Variants in NTRK3 observed in about 807,000 individuals in gnomAD.
NTRK3 encodes the protein neurotrophic receptor tyrosine kinase 3.
NTRK3 carries 24 observed loss-of-function variants against 91.7 expected under a neutral mutation model. The observed-to-expected ratio is 0.26, with a 90% CI of 0.19 to 0.37. The LOEUF is 0.37. Among genes scored for constraint, NTRK3 ranks in the 10% least tolerant of loss-of-function variants. The pLI, the probability that NTRK3 is intolerant of heterozygous loss-of-function variation, is 1.00. For synonymous variants in NTRK3, 483 were observed against 404.0 expected, an observed-to-expected ratio of 1.20 and a Z score of -2.34; for missense variants, 880 against 1,068.9, an observed-to-expected ratio of 0.82 and a Z score of 2.46.
At chr15:88,251,935 G>C (rs1460586198) in intron 3 of NTRK3, among the ~76,000 whole-genome samples, 1 of 152,172 alleles carries the variant, frequency 6.6e-6, no homozygotes, top group Non-Finnish European at 1.5e-5. Context: ...TGGAGGTGCA[G>C]AGCAGATGCC....
At chr15:87,996,759 G>A (rs2075734760) in intron 14 of NTRK3, among the ~76,000 whole-genome samples, 1 of 152,194 alleles carries the variant, frequency 6.6e-6, no homozygotes, top group Non-Finnish European at 1.5e-5. Context: ...GCACACAGAG[G>A]AGCTCTGAGT....
Position 88,002,168 on chromosome 15 carries a change from G to GTTTTTTTTT in NTRK3, c.1585+30680_1585+30688dup, listed in dbSNP as rs770668339. Among the ~76,000 whole-genome samples, 50 of 70,182 alleles carry GTTTTTTTTT rather than the reference G, an allele frequency of 7.1e-4. 7 individuals are homozygous for GTTTTTTTTT. The highest frequency in any genetic ancestry group is 2.8e-3 in the African/African-American group (48 of 17,286). The allele number at this position is 70,182 out of a possible 152,430, so 46.0% of individuals were successfully genotyped here. A position where few individuals can be genotyped will look rare whatever the true frequency, so the allele number is the denominator to read the frequency against. On this transcript the variant is annotated intron_variant, in intron 14 of 18. Transcript: ENST00000394480. ...TTTCTCTCTCTGAAGGATAGTGGTT[G>GTTTTTTTTT]TTTTTTTTTTTTTTTTTTTTTTTTT...
chr15:88,154,365 C>T (rs1352760367), intron 5 of NTRK3, among the ~76,000 whole-genome samples: 1 of 152,202 alleles, frequency 6.6e-6, no homozygotes, highest in Non-Finnish European at 1.5e-5. Flanking sequence ...GGCCTGCTGC[C>T]AGCACCAAGG....
At chr15:87,990,039 C>T (rs2075164854) in intron 14 of NTRK3, among the ~76,000 whole-genome samples, 1 of 152,148 alleles carries the variant, frequency 6.6e-6, no homozygotes, top group Admixed American at 6.6e-5. Context: ...TTACCTCCAT[C>T]TAGCTTCCTG....
At chr15:88,242,706 A>G (rs1455475981) in intron 3 of NTRK3, among the ~76,000 whole-genome samples, 2 of 152,224 alleles carry the variant, frequency 1.3e-5, no homozygotes, top group African/African-American at 2.4e-5. Context: ...TGGGTCCCAC[A>G]GAAGGAAGAG....
At position 87,945,646 on chromosome 15, in the gene NTRK3, G is replaced by A. The variant is rs1407582662; in HGVS notation, c.1586-4893C>T. ...CAGAGCCGCTGGATACACTGACATCGCTGGACACAGAGGTGACCACTGTCA... is the reference window on the plus strand; with the variant it reads ...CAGAGCCGCTGGATACACTGACATCACTGGACACAGAGGTGACCACTGTCA... On this transcript the variant is annotated intron_variant, in intron 14 of 18. Transcript: ENST00000394480. Among the ~76,000 whole-genome samples the A allele has an allele frequency of 6.6e-5, 10 of 152,204 alleles. No homozygotes were observed. In the South Asian group the frequency reaches 1.2e-3, roughly 19 times the overall value.
rs1205518236 is a variant in NTRK3, at chr15:88,037,011, C to G, written c.1397-3966G>C. ...CCAAGAGCCTGGGATCTAAAACAGT[C>G]TCCACCTTCTCTACCTTATTTGAGG... On this transcript the variant is annotated intron_variant, in intron 13 of 18. Coordinates refer to ENST00000394480, the Ensembl canonical transcript of NTRK3. Among the ~76,000 whole-genome samples the G allele has an allele frequency of 5.3e-5, 8 of 152,320 alleles. No individual in the cohort carries two copies. The South Asian group carries it at 1.2e-3, about 24-fold the overall frequency.
intron 14 of NTRK3, among the ~76,000 whole-genome samples, chr15:87,985,479 G>T (rs1163519524): frequency 3.3e-5 from 5 of 152,136 alleles, no homozygotes; most frequent in Admixed American, 2.0e-4. Flanking sequence ...GAACCAAAAT[G>T]TCCCTGTTGT....
intron 3 of NTRK3, among the ~76,000 whole-genome samples, chr15:88,194,595 C>G (rs1211780023): frequency 6.6e-6 from 1 of 152,244 alleles, no homozygotes; most frequent in Non-Finnish European, 1.5e-5. Flanking sequence ...ATAAAGACCC[C>G]TGCCTCCAAA....
chr15:87,915,312 G>A (rs1051789869), intron 17 of NTRK3, among the ~76,000 whole-genome samples: 1 of 152,228 alleles, frequency 6.6e-6, no homozygotes, highest in African/African-American at 2.4e-5. Flanking sequence ...AAGGCTCCAG[G>A]ACAGGTGCAT....
chr15:88,129,704 C>T (rs1359860344), intron 10 of NTRK3, among the ~76,000 whole-genome samples: 1 of 152,128 alleles, frequency 6.6e-6, no homozygotes, highest in Non-Finnish European at 1.5e-5. Flanking sequence ...TTAATGGAGG[C>T]CTGGAGACAG....
At chr15:88,161,641 A>C (rs2044466893) in intron 5 of NTRK3, among the ~76,000 whole-genome samples, 1 of 152,208 alleles carries the variant, frequency 6.6e-6, no homozygotes, top group Non-Finnish European at 1.5e-5. Flanking sequence ...GGAGGAGAGC[A>C]TAGGGAAAGG....
chr15:87,942,403 T>C (rs969892056), intron 14 of NTRK3, among the ~76,000 whole-genome samples: 2 of 152,178 alleles, frequency 1.3e-5, no homozygotes, highest in Non-Finnish European at 2.9e-5. Context: ...GGAATGGTAT[T>C]TGTTGACCTT....
chr15:88,027,452 G>A (rs1046110733), intron 14 of NTRK3, among the ~76,000 whole-genome samples: 3 of 152,070 alleles, frequency 2.0e-5, no homozygotes, highest in Non-Finnish European at 2.9e-5. Flanking sequence ...GCGCAACCTC[G>A]GCTCACTGCA....
Position 88,135,887 on chromosome 15 carries a change from A to G in NTRK3, c.907+12T>C. ...TCACACACAGCCATCCCCCACAATA[A>G]CATGCACTTACAGTAGACAGTGAGG... On this transcript the variant is annotated intron_variant, in intron 9 of 18. Transcript: ENST00000394480. 1 of 1,613,882 alleles carries G rather than the reference A, an allele frequency of 6.2e-7. No homozygotes were observed. Among genetic ancestry groups the G allele is most frequent in the Non-Finnish European group, 8.5e-7 (1 of 1,179,926 alleles).
intron 13 of NTRK3, among the ~76,000 whole-genome samples, chr15:88,033,803 T>C (rs1052441757): frequency 1.3e-5 from 2 of 152,176 alleles, no homozygotes; most frequent in African/African-American, 4.8e-5. Flanking sequence ...AAGTCCAAAT[T>C]AGTTCAAAAT....
intron 14 of NTRK3, among the ~76,000 whole-genome samples, chr15:88,025,370 C>T (rs2077946376): frequency 6.6e-6 from 1 of 152,218 alleles, no homozygotes; most frequent in South Asian, 2.1e-4. Flanking sequence ...ATGAAGTTGT[C>T]TGTTACAGGT....
At chr15:88,212,725 C>G (rs1775400613) in intron 3 of NTRK3, among the ~76,000 whole-genome samples, 1 of 6,722 alleles carries the variant, frequency 1.5e-4, no homozygotes, top group Non-Finnish European at 9.3e-4. Context: ...CACACACACA[C>G]ACACACACAC....
chr15:87,860,579 T>C (rs1439874168), exon 19 of NTRK3: 3 of 204,596 alleles, frequency 1.5e-5, no homozygotes, highest in African/African-American at 4.6e-5. Context: ...TTTAACGAGA[T>C]TGATTCTCCA....
Sources: gnomAD v4.1 joint callset for allele counts (sites outside exome capture counted in the v4.1 genomes callset) on GRCh38, gnomAD v4.1.1 for gene constraint, MANE v1.5 for transcripts, NCBI Gene and HGNC (gene_info 2026-07-23, HGNC 2026-07-21) for gene names.